MACF1: variants seen among roughly 807,000 people sequenced by gnomAD.
MACF1 encodes microtubule-actin cross-linking factor 1.
A neutral mutation model predicts 854.8 loss-of-function variants in MACF1; 193 were observed. That is an observed-to-expected ratio of 0.23 (90% CI 0.20 to 0.25). The LOEUF is 0.25. MACF1 is among the 10% of genes least tolerant of loss of function. The probability of loss-of-function intolerance (pLI) is 1.00; values close to 1 mark genes in which losing one functional copy is unlikely to be tolerated. For missense variants in MACF1, 7,722 were observed against 8,929.1 expected (o/e 0.86, Z 5.45); for synonymous variants, 3,185 against 3,226.7 (o/e 0.99, Z 0.44).
chr1:39,410,841 A>T (rs1557637737), intron 58 of MACF1: 2 of 1,613,988 alleles, frequency 1.2e-6, no homozygotes, highest in Admixed American at 3.3e-5. Context: ...CAGAGTCAGT[A>T]ACTCTGGAAC....
At position 39,437,796 on chromosome 1, in the gene MACF1, C is replaced by T; in HGVS notation, c.18008C>T (p.Pro6003Leu). The T allele has an allele frequency of 6.2e-7, 1 of 1,613,360 alleles. No individual in the cohort carries two copies. The highest frequency in any genetic ancestry group is 8.5e-7 in the Non-Finnish European group (1 of 1,179,300). ...QSTQFHDKIE[P>L]MLETLENLSS... The stretch of plus-strand genomic sequence containing the variant: ...GTTTAGTTTCATGATAAAATTGAGC[C>T]TATGTTGGAGACACTGGAGAATCTT... Residue 6003 changes from proline (P) to leucine (L), a missense_variant, in exon 71 of 101, where the codon CCT becomes CTT. Pro to Leu is a moderately conservative substitution (Grantham distance 98, BLOSUM62 -3). This residue lies in a region of MACF1 where 2,807 missense variants were observed against 3,235.8 expected (regional missense o/e 0.87). Coordinates refer to ENST00000564288, the MANE Select transcript of MACF1 (RefSeq NM_001394062.1).
chr1:39,233,797 T>TTTTA (rs1491548281), intron 2 of MACF1, among the ~76,000 whole-genome samples: 2 of 78,790 alleles, frequency 2.5e-5, no homozygotes, highest in African/African-American at 8.1e-5. Context: ...TTTTTTTTTT[T>TTTTA]ATTTATTTTT....
At chr1:39,176,457 C>T (rs1256819082) in intron 2 of MACF1, among the ~76,000 whole-genome samples, 1 of 152,118 alleles carries the variant, frequency 6.6e-6, no homozygotes, top group African/African-American at 2.4e-5. Flanking sequence ...TAATAGTCCT[C>T]TTCGTTTAAA....
intron 97 of MACF1, among the ~76,000 whole-genome samples, chr1:39,475,948 A>G (rs144767169): frequency 0.019 from 2,939 of 151,510 alleles, 90 homozygotes; most frequent in African/African-American, 0.064. Flanking sequence ...TCAGCAAGGG[A>G]GCAGGCGTCC....
intron 5 of MACF1, among the ~76,000 whole-genome samples, chr1:39,256,901 A>T (rs1425324821): frequency 6.6e-6 from 1 of 152,024 alleles, no homozygotes; most frequent in Non-Finnish European, 1.5e-5. Context: ...AGAAAAAAAA[A>T]AAAAAGGCAA....
chr1:39,423,567 G>A (rs546823033), intron 60 of MACF1, among the ~76,000 whole-genome samples: 5 of 150,976 alleles, frequency 3.3e-5, no homozygotes, highest in African/African-American at 9.7e-5. Context: ...CCTGGGAGGC[G>A]GAGCTTGCAG....
At chr1:39,234,878 G>A (rs1403234117) in intron 2 of MACF1, among the ~76,000 whole-genome samples, 1 of 132,564 alleles carries the variant, frequency 7.5e-6, no homozygotes, top group African/African-American at 2.7e-5. Context: ...GGGCGGCGGG[G>A]CAGAGGCGCT....
chr1:39,240,592 G>A (rs1270638649), intron 2 of MACF1, among the ~76,000 whole-genome samples: 2 of 152,170 alleles, frequency 1.3e-5, no homozygotes, highest in Non-Finnish European at 2.9e-5. Flanking sequence ...TCCGCCACCC[G>A]GGTTCAAGCG....
chr1:39,371,092 G>A (rs146836334), intron 51 of MACF1, among the ~76,000 whole-genome samples: 1,919 of 152,110 alleles, frequency 0.013, 19 homozygotes, highest in African/African-American at 0.02. Context: ...AGGCCGAGGC[G>A]GGTGGATCAC....
chr1:39,259,901 G>A (rs937773403), intron 6 of MACF1, among the ~76,000 whole-genome samples: 2 of 152,192 alleles, frequency 1.3e-5, no homozygotes, highest in Non-Finnish European at 2.9e-5. Context: ...ACAGGCGTGA[G>A]CCACCGTGCC....
intron 58 of MACF1, chr1:39,411,578 G>A (rs754532557): frequency 3.7e-6 from 6 of 1,613,808 alleles, no homozygotes; most frequent in Non-Finnish European, 5.1e-6. Context: ...ACTGCTCAGG[G>A]GTTAGAGGGA....
In MACF1 at chr1:39,448,689, T is replaced by C; in HGVS notation, c.20184T>C (p.Asp6728=). ...ALKEKTLLPE[D]SQKLDNFLGE... ...AAGAAAAGACTTTGCTTCCCGAAGA[T>C]AGTCAGAAACTTGACAATTTCCTAG... The change falls in exon 84 of 101, where the codon GAT becomes GAC. Residue 6728 remains aspartate (D), a synonymous_variant. Transcript: ENST00000564288. 1 of 1,613,668 alleles carries C rather than the reference T, an allele frequency of 6.2e-7. No homozygotes were observed. The highest frequency in any genetic ancestry group is 8.5e-7 in the Non-Finnish European group (1 of 1,179,676).
At chr1:39,457,866 A>G (rs534625916) in intron 89 of MACF1, 2 of 153,032 alleles carry the variant, frequency 1.3e-5, no homozygotes, top group African/African-American at 4.8e-5. Flanking sequence ...TTATAAAGAA[A>G]ATAGGTTTAT....
intron 80 of MACF1, among the ~76,000 whole-genome samples, chr1:39,445,371 G>A (rs1644204824): frequency 6.6e-6 from 1 of 152,132 alleles, no homozygotes; most frequent in South Asian, 2.1e-4. Flanking sequence ...TTTTTTATGA[G>A]TACAGAGTTT....
rs1430469762 is a variant in MACF1 at position 39,121,634 on chromosome 1, G to A, written c.220+37196G>A. ...GCTAACTTTTTATATTTTTAGTAGA[G>A]ACGGGGTTTCGCCATTTTGGCCAGG... On this transcript the variant is annotated intron_variant, in intron 2 of 93. Coordinates refer to the MACF1 transcript ENST00000361689. Among the ~76,000 whole-genome samples the A allele has an allele frequency of 3.9e-5, 6 of 152,272 alleles. No individual in the cohort carries two copies. In the East Asian group the frequency reaches 7.7e-4, roughly 20 times the overall value.
At chr1:39,140,314 C>T (rs982644580) in intron 2 of MACF1, among the ~76,000 whole-genome samples, 3 of 152,140 alleles carry the variant, frequency 2.0e-5, no homozygotes, top group Non-Finnish European at 2.9e-5. Flanking sequence ...TGCTATCTTA[C>T]GATTCTTATC....
chr1:39,453,460 G>A (rs548222654), intron 87 of MACF1, among the ~76,000 whole-genome samples: 2 of 152,198 alleles, frequency 1.3e-5, no homozygotes, highest in African/African-American at 4.8e-5. Flanking sequence ...GGAAAAGGGG[G>A]GCATACCTCT....
chr1:39,329,264 G>A (rs1486830874), intron 36 of MACF1, among the ~76,000 whole-genome samples: 1 of 152,150 alleles, frequency 6.6e-6, no homozygotes, highest in Non-Finnish European at 1.5e-5. Context: ...ATGTAGAAAT[G>A]GAGATGAGAA....
At chr1:39,142,175 G>A (rs1272044568) in intron 2 of MACF1, among the ~76,000 whole-genome samples, 1 of 152,146 alleles carries the variant, frequency 6.6e-6, no homozygotes, top group African/African-American at 2.4e-5. Flanking sequence ...GCAGTTGTTA[G>A]GTTTGGAAGT....
Sources: allele counts gnomAD v4.1 joint callset (sites outside exome capture counted in the v4.1 genomes callset), GRCh38; gene constraint gnomAD v4.1.1; regional missense constraint gnomAD v4.1.1; transcripts MANE v1.5; gene names NCBI Gene and HGNC (gene_info 2026-07-23, HGNC 2026-07-21).